The following MPRIP variants were observed in gnomAD, a reference collection of about 807,000 sequenced individuals.
The protein encoded by MPRIP is myosin phosphatase Rho interacting protein.
MPRIP carries 59 observed loss-of-function variants against 234.9 expected under a neutral mutation model. The ratio of observed to expected loss-of-function variants is 0.25; its 90% CI spans 0.20 to 0.31. The LOEUF (loss-of-function observed/expected upper bound fraction) is 0.31. MPRIP is among the 10% of genes least tolerant of loss of function. MPRIP has a pLI of 1.00. For synonymous variants in MPRIP, 1,144 were observed against 1,263.9 expected, an observed-to-expected ratio of 0.91 and a Z score of 2.01; for missense variants, 2,436 against 3,071.0, an observed-to-expected ratio of 0.79 and a Z score of 4.89.
At chr17:17,050,721 G>A (rs2088512294) in intron 1 of MPRIP, among the ~76,000 whole-genome samples, 1 of 152,188 alleles carries the variant, frequency 6.6e-6, no homozygotes, top group Non-Finnish European at 1.5e-5. Context: ...TGGTGTGTTA[G>A]AAGTTCTCTT....
chr17:17,136,576 C>A (rs999142565), intron 6 of MPRIP, 126 bp downstream of exon 6: 1 of 922,700 alleles, frequency 1.1e-6, no homozygotes, highest in Non-Finnish European at 1.7e-6. Flanking sequence ...TCCCTTTGTC[C>A]ATCAGCCCTG....
chr17:17,186,730 T>C lies in MPRIP; in HGVS notation c.*1836T>C, dbSNP rs992295715. 2 of 152,198 alleles carry C rather than the reference T, an allele frequency of 1.3e-5. No individual in the cohort carries two copies. Among genetic ancestry groups the C allele is most frequent in the East Asian group, 1.9e-4 (1 of 5,190 alleles). The allele number at this position is 152,198 out of a possible 1,614,324, so 9.4% of individuals were successfully genotyped here. On this transcript the variant is annotated 3_prime_UTR_variant, in exon 24 of 24. Coordinates refer to ENST00000651222, the MANE Select transcript of MPRIP (RefSeq NM_001364716.4). ...CAAGGCCCCATATCAGATATAGATATACTTATCAGACCCCCCCTGACCATT... is the reference window on the plus strand; with the variant it reads ...CAAGGCCCCATATCAGATATAGATACACTTATCAGACCCCCCCTGACCATT...
chr17:17,109,790 A>G (rs550584841), intron 3 of MPRIP, among the ~76,000 whole-genome samples: 11 of 152,310 alleles, frequency 7.2e-5, no homozygotes, highest in East Asian at 5.8e-4. Context: ...CTAAAGGTAC[A>G]TGAAGCACCT....
intron 4 of MPRIP, among the ~76,000 whole-genome samples, chr17:17,129,757 G>T (rs1597855152): frequency 6.6e-6 from 1 of 152,216 alleles, no homozygotes; most frequent in Non-Finnish European, 1.5e-5. Flanking sequence ...GTCTGCAGGG[G>T]CCTGGGGTAC....
Position 17,171,772 on chromosome 17 carries a change from G to C in MPRIP, c.6379G>C (p.Glu2127Gln), listed in dbSNP as rs746918104. The change falls in exon 17 of 24, where the codon GAA becomes CAA. Residue 2127 changes from glutamate to glutamine, a missense_variant. Transcript: ENST00000651222. Reference protein sequence around the residue: ...AMEETHQKKIEDLQRQHQREL... With the variant: ...AMEETHQKKIQDLQRQHQREL... ...GGAAGAAACGCACCAGAAGAAGATT[G>C]AAGATCTCCAGAGGCAGCACCAGCG... 1.9e-6 allele frequency: 3 copies of C among 1,613,812 alleles called. No individual in the cohort carries two copies. Among genetic ancestry groups the C allele is most frequent in the Non-Finnish European group, 2.5e-6 (3 of 1,180,044 alleles).
intron 1 of MPRIP, among the ~76,000 whole-genome samples, chr17:17,074,735 T>C (rs575564672): frequency 2.3e-4 from 35 of 152,348 alleles, no homozygotes; most frequent in Admixed American, 1.8e-3. Flanking sequence ...AATTCTGTAA[T>C]ATGTGGGCTT....
At chr17:17,076,011 G>A (rs1239838820) in intron 2 of MPRIP, 4 of 495,202 alleles carry the variant, frequency 8.1e-6, no homozygotes, top group Non-Finnish European at 1.4e-5. Flanking sequence ...CTCTCATGTG[G>A]GTGTTGCCTG....
chr17:17,113,674 GC>G (rs1197761000), intron 3 of MPRIP, among the ~76,000 whole-genome samples: 1 of 152,114 alleles, frequency 6.6e-6, no homozygotes, highest in African/African-American at 2.4e-5. Context: ...AAGTGGAATT[GC>G]TGGATGAAAC....
intron 1 of MPRIP, among the ~76,000 whole-genome samples, chr17:17,059,339 T>C (rs905513717): frequency 9.9e-5 from 15 of 152,210 alleles, no homozygotes; most frequent in African/African-American, 3.6e-4. Context: ...AAGGATGTTT[T>C]AGTATTTTTA....
chr17:17,081,460 G>A (rs1343764673), intron 3 of MPRIP, among the ~76,000 whole-genome samples: 1 of 152,234 alleles, frequency 6.6e-6, no homozygotes, highest in Non-Finnish European at 1.5e-5. Context: ...GGTGTTCCTC[G>A]GAGGGAGATT....
At chr17:17,079,094 T>G (rs2144062842) in intron 3 of MPRIP, among the ~76,000 whole-genome samples, 1 of 152,218 alleles carries the variant, frequency 6.6e-6, no homozygotes, top group African/African-American at 2.4e-5. Flanking sequence ...CTGGGATTTT[T>G]GGGTGGTCAT....
In MPRIP at chr17:17,138,181, G is replaced by A; in HGVS notation, c.1002G>A (p.Leu334=). The A allele has an allele frequency of 1.8e-6, 2 of 1,081,518 alleles. No individual in the cohort carries two copies. The highest frequency in any genetic ancestry group is 2.7e-5 in the Admixed American group (1 of 36,486). 67.0% of individuals were successfully genotyped at this position (1,081,518 alleles called of 1,614,324 possible). ...TCTGCAGCATCTCCCTCAGCTCCCT[G>A]GATGTGGCCAGCCAGCCACCTGCCT... ...QMVCSISLSS[L]DVASQPPAYV... Residue 334 remains leucine (L), a synonymous_variant, in exon 7 of 24, where the codon CTG becomes CTA. Transcript: ENST00000651222. This position sits in a 1 kb window ranked among gnomAD's most constrained non-coding sequence, Gnocchi z 5.8.
chr17:17,066,723 C>CTTTTTTTTTTTTTTTTTTTTTTTT lies in MPRIP; in HGVS notation c.124-8964_124-8941dup, dbSNP rs34804730. On this transcript the variant is annotated intron_variant, in intron 1 of 23. Transcript: ENST00000651222. The stretch of plus-strand genomic sequence containing the variant: ...TCAAACCCACAGATACTTTTTTCAT[C>CTTTTTTTTTTTTTTTTTTTTTTTT]TTTTTTTTTTTTTTTTTTTTTTTTT... Among the ~76,000 whole-genome samples, 2 of 36,636 alleles carry CTTTTTTTTTTTTTTTTTTTTTTTT rather than the reference C, an allele frequency of 5.5e-5. 1 individual carries two copies. The highest frequency in any genetic ancestry group is 1.2e-4 in the Non-Finnish European group (2 of 16,614). 24.0% of individuals were successfully genotyped at this position (36,636 alleles called of 152,430 possible).
intron 3 of MPRIP, among the ~76,000 whole-genome samples, chr17:17,116,420 G>A (rs2090287039): frequency 1.3e-5 from 2 of 152,238 alleles, no homozygotes; most frequent in Non-Finnish European, 2.9e-5. Flanking sequence ...GGCAATTGGT[G>A]CAGGGAGCAG....
chr17:17,082,863 G>C (rs1001804524), intron 3 of MPRIP, among the ~76,000 whole-genome samples: 24 of 152,222 alleles, frequency 1.6e-4, no homozygotes, highest in African/African-American at 5.3e-4. Context: ...ATCATGCAGT[G>C]TTTGTCCTTT....
intron 23 of MPRIP, chr17:17,180,676 C>CGGTT: frequency 6.2e-7 from 1 of 1,611,690 alleles, no homozygotes; most frequent in Non-Finnish European, 8.5e-7. Context: ...GGAGGTAAAC[C>CGGTT]GCCTCTCCCA....
rs1394077085 is a variant in MPRIP at position 17,173,900 on chromosome 17, G to A, written c.6591-16G>A. On this transcript the variant is annotated splice_polypyrimidine_tract_variant and intron_variant, in intron 18 of 23. Transcript: ENST00000651222. ...TCCAGAAGCAGGCAGAGGAGTGAGT[G>A]CTGCCCTCTCCCCAGGGAGGAGCTG... The A allele has an allele frequency of 1.2e-6, 2 of 1,613,220 alleles. No homozygotes were observed. The highest frequency in any genetic ancestry group is 1.7e-5 in the Admixed American group (1 of 60,028).
intron 15 of MPRIP, among the ~76,000 whole-genome samples, chr17:17,163,040 TCTAATAAC>T (rs1408005496): frequency 3.3e-5 from 5 of 152,180 alleles, no homozygotes; most frequent in African/African-American, 1.2e-4. Flanking sequence ...TTTCCCTAAG[TCTAATAAC>T]CTGTGACTTC....
chr17:17,058,327 T>C (rs989615943), intron 1 of MPRIP, among the ~76,000 whole-genome samples: 1 of 150,838 alleles, frequency 6.6e-6, no homozygotes, highest in Non-Finnish European at 1.5e-5. Flanking sequence ...TCTAAGACTA[T>C]GGGGAATGGG....
Sources: allele counts gnomAD v4.1 joint callset (sites outside exome capture counted in the v4.1 genomes callset), GRCh38; gene constraint gnomAD v4.1.1; non-coding constraint Gnocchi (gnomAD v3.1); transcripts MANE v1.5; gene names NCBI Gene and HGNC (gene_info 2026-07-23, HGNC 2026-07-21).